Variants in MRPS15 observed in about 807,000 individuals in gnomAD.
MRPS15 encodes the protein small ribosomal subunit protein uS15m.
In MRPS15, 25 loss-of-function variants were observed where a neutral mutation model predicts 30.7. The observed-to-expected ratio is 0.81, with a 90% CI of 0.59 to 1.14. MRPS15 has a LOEUF of 1.14. Among genes scored for constraint, MRPS15 ranks in the 50% most tolerant of loss-of-function variants. The pLI is 0.00. For synonymous variants in MRPS15, 124 were observed against 120.1 expected, an observed-to-expected ratio of 1.03 and a Z score of -0.21; for missense variants, 313 against 321.7, an observed-to-expected ratio of 0.97 and a Z score of 0.21.
At chr1:36,463,758 T>C (rs1164791753) in intron 2 of MRPS15, 48 bp downstream of exon 2, 5 of 1,587,890 alleles carry the variant, frequency 3.1e-6, no homozygotes, top group Non-Finnish European at 4.3e-6. Flanking sequence ...ACCCCAGCCT[T>C]CCAGGAGGTC....
rs539103284 is a variant in MRPS15, at chr1:36,458,298, G to A, written c.386-317C>T. The A allele has an allele frequency of 2.6e-5, 6 of 227,750 alleles. No individual in the cohort carries two copies. In the East Asian group the frequency reaches 4.1e-4, roughly 16 times the overall value. 14.1% of individuals were successfully genotyped at this position (227,750 alleles called of 1,614,324 possible). On this transcript the variant is annotated intron_variant, in intron 5 of 7. Coordinates refer to ENST00000373116, the MANE Select transcript of MRPS15 (RefSeq NM_031280.4). This position sits in a 1 kb window ranked among gnomAD's most constrained non-coding sequence, Gnocchi z 4.5. ...GGCTGGAGTGCAGTGGTGCGATCTC[G>A]GCTCACCGCAGCCTCTGCCTCCCAG...
In MRPS15 at chr1:36,458,305, C is replaced by T. The variant is rs765118474; in HGVS notation, c.386-324G>A. 74 of 212,892 alleles carry T rather than the reference C, an allele frequency of 3.5e-4. 1 individual carries two copies. In the Middle Eastern group the frequency reaches 9.7e-3, roughly 28 times the overall value. 13.2% of individuals were successfully genotyped at this position (212,892 alleles called of 1,614,324 possible). On this transcript the variant is annotated intron_variant, in intron 5 of 7. Coordinates refer to ENST00000373116, the MANE Select transcript of MRPS15 (RefSeq NM_031280.4). The surrounding 1 kb of genome is among the most constrained non-coding windows in gnomAD (Gnocchi z 4.5). ...GTGCAGTGGTGCGATCTCGGCTCAC[C>T]GCAGCCTCTGCCTCCCAGGTTCAGG...
Position 36,456,382 on chromosome 1 carries a change from C to T in MRPS15, c.445-4G>A. Reference sequence around the variant, plus strand: ...GATAGCGTTTGTGGGCTTTGTCCTGCAAGAGATTCTCATTACTTTTAGTAT... The same window carrying T: ...GATAGCGTTTGTGGGCTTTGTCCTGTAAGAGATTCTCATTACTTTTAGTAT... On this transcript the variant is annotated splice_region_variant and splice_polypyrimidine_tract_variant and intron_variant, in intron 6 of 7. Transcript: ENST00000373116. 6.3e-7 allele frequency: 1 copy of T among 1,590,106 alleles called. No individual in the cohort carries two copies. Among genetic ancestry groups the T allele is most frequent in the South Asian group, 1.1e-5 (1 of 88,600 alleles).
At chr1:36,460,895 T>C in intron 4 of MRPS15, 119 bp from the exon 5 acceptor site, 1 of 812,748 alleles carries the variant, frequency 1.2e-6, no homozygotes, top group South Asian at 1.6e-5. Flanking sequence ...GCTCAGGGCC[T>C]GACTTCACTC....
Position 36,464,224 on chromosome 1 carries a change from T to TA in MRPS15, c.51dup (p.Thr18TyrfsTer45), listed in dbSNP as rs1650164992. 5 of 1,613,942 alleles carry TA rather than the reference T, an allele frequency of 3.1e-6. No individual in the cohort carries two copies. The highest frequency in any genetic ancestry group is 4.2e-6 in the Non-Finnish European group (5 of 1,180,000). On this transcript the variant is annotated frameshift_variant, in exon 1 of 8. Transcript: ENST00000373116. LOFTEE classifies it high-confidence loss of function. ...GGCAGCCCGGGTACTAGGACCTGGG[T>TA]AACTGCCCGGGTCCGAATCAAACTC...
chr1:36,463,978 C>T, intron 1 of MRPS15, 128 bp from the exon 2 acceptor site: 1 of 1,502,516 alleles, frequency 6.7e-7, no homozygotes, highest in Non-Finnish European at 9.0e-7. Context: ...TGCCCCATTT[C>T]TTCCCTACCC....
In MRPS15 at chr1:36,460,857, C is replaced by G. The variant is rs1650083945; in HGVS notation, c.301-81G>C. The G allele has an allele frequency of 5.0e-6, 6 of 1,193,936 alleles. No homozygotes were observed. The East Asian group carries it at 1.4e-4, about 28-fold the overall frequency. The allele number at this position is 1,193,936 out of a possible 1,614,324, so 74.0% of individuals were successfully genotyped here. A position where few individuals can be genotyped will look rare whatever the true frequency, so the allele number is the denominator to read the frequency against. On this transcript the variant is annotated intron_variant, in intron 4 of 7. Coordinates refer to ENST00000373116, the MANE Select transcript of MRPS15 (RefSeq NM_031280.4). Reference sequence around the variant, plus strand: ...GCCCTCCTCCCCCCAAGGGCCCTGGCTACAGTTATAGCAACTAGGGCCATA... The same window carrying G: ...GCCCTCCTCCCCCCAAGGGCCCTGGGTACAGTTATAGCAACTAGGGCCATA...
rs1307648300 is a variant in MRPS15 at position 36,463,848 on chromosome 1, G to C, written c.133C>G (p.Leu45Val). Residue 45 changes from leucine to valine, a missense_variant and splice_region_variant, in exon 2 of 8, where the codon CTC becomes GTC. Coordinates refer to ENST00000373116, the MANE Select transcript of MRPS15 (RefSeq NM_031280.4). ...TATCCGCGCGCGGCCTGGAGGAGGAGACCTACGCAGAAAAGAGAGGGCTGA... is the reference window on the plus strand; with the variant it reads ...TATCCGCGCGCGGCCTGGAGGAGGACACCTACGCAGAAAAGAGAGGGCTGA... ...FNQWGLQPRS[L>V]LLQAARGYVV... 3 of 1,612,342 alleles carry C rather than the reference G, an allele frequency of 1.9e-6. No individual in the cohort carries two copies. The highest frequency in any genetic ancestry group is 1.3e-5 in the African/African-American group (1 of 74,912).
chr1:36,456,950 T>G (rs1397879753), intron 6 of MRPS15, among the ~76,000 whole-genome samples: 1 of 152,266 alleles, frequency 6.6e-6, no homozygotes, highest in Non-Finnish European at 1.5e-5. Context: ...ACAGCAGCTC[T>G]GTGCCAGACA....
chr1:36,462,262 G>A (rs1650113736), intron 2 of MRPS15, 99 bp from the exon 3 acceptor site: 1 of 817,276 alleles, frequency 1.2e-6, no homozygotes, highest in Non-Finnish European at 2.0e-6. Context: ...ACTCCAGAAG[G>A]GACATTCAGG....
In MRPS15 at chr1:36,460,778, T is replaced by C. The variant is rs1650081612; in HGVS notation, c.301-2A>G. ...TTGCTTGATTTTTAGCATCTCCTTCTGTTGAAGACAGAGACAGAGAAAATC... is the reference window on the plus strand; with the variant it reads ...TTGCTTGATTTTTAGCATCTCCTTCCGTTGAAGACAGAGACAGAGAAAATC... On this transcript the variant is annotated splice_acceptor_variant, in intron 4 of 7. Coordinates refer to ENST00000373116, the MANE Select transcript of MRPS15 (RefSeq NM_031280.4). LOFTEE classifies it high-confidence loss of function. 6.2e-7 allele frequency: 1 copy of C among 1,613,364 alleles called. No individual in the cohort carries two copies. The highest frequency in any genetic ancestry group is 1.3e-5 in the African/African-American group (1 of 74,914).
chr1:36,463,864 A>AGAGGGCT lies in MRPS15; in HGVS notation c.131-21_131-15dup. The stretch of plus-strand genomic sequence containing the variant: ...GGAGGAGGAGACCTACGCAGAAAAG[A>AGAGGGCT]GAGGGCTGAGGACCATCTCCTTAAA... On this transcript the variant is annotated splice_polypyrimidine_tract_variant and intron_variant, in intron 1 of 7. Transcript: ENST00000373116. 2 of 1,610,608 alleles carry AGAGGGCT rather than the reference A, an allele frequency of 1.2e-6. No homozygotes were observed.
At chr1:36,457,701 C>T (rs907368898) in intron 6 of MRPS15, among the ~76,000 whole-genome samples, 1 of 152,184 alleles carries the variant, frequency 6.6e-6, no homozygotes, top group Non-Finnish European at 1.5e-5. Context: ...ATTTACTGAG[C>T]ACTCAGCATG....
At chr1:36,456,660 T>C in intron 6 of MRPS15, 1 of 300,026 alleles carries the variant, frequency 3.3e-6, no homozygotes, top group Non-Finnish European at 6.3e-6. Flanking sequence ...TCATGCTCTT[T>C]CTCCTACACT....
chr1:36,461,417 C>A, intron 3 of MRPS15, 105 bp from the exon 4 acceptor site: 1 of 1,100,454 alleles, frequency 9.1e-7, no homozygotes. Flanking sequence ...AAAATTCCTT[C>A]TGTAGCAAAT....
At chr1:36,457,288 A>ATAT (rs1445837793) in intron 6 of MRPS15, among the ~76,000 whole-genome samples, 42 of 148,606 alleles carry the variant, frequency 2.8e-4, no homozygotes, top group African/African-American at 3.2e-4. Flanking sequence ...AAAAAAAAAA[A>ATAT]AAATATATAT....
Position 36,456,170 on chromosome 1 carries a change from G to A in MRPS15, c.636+17C>T, listed in dbSNP as rs760955689. 2.0e-5 allele frequency: 32 copies of A among 1,589,476 alleles called. No individual in the cohort carries two copies. Among genetic ancestry groups the A allele is most frequent in the South Asian group, 7.9e-5 (7 of 88,522 alleles). ...TCCCTGAGTGGGGCCAAGCAAAGCC[G>A]CAATTCTGACTCGTACCCGAATGCA... On this transcript the variant is annotated intron_variant, in intron 7 of 7. Transcript: ENST00000373116.
chr1:36,463,790 C>A lies in MRPS15; in HGVS notation c.175+16G>T, dbSNP rs761233844. The A allele has an allele frequency of 6.2e-7, 1 of 1,610,350 alleles. No individual in the cohort carries two copies. Among genetic ancestry groups the A allele is most frequent in the Non-Finnish European group, 8.5e-7 (1 of 1,178,020 alleles). ...GGTCTCTCTTCCGCCCCAAGTCCCA[C>A]CTTAGGAACTCCTACCTGGTTTCCG... On this transcript the variant is annotated intron_variant, in intron 2 of 7. Coordinates refer to ENST00000373116, the MANE Select transcript of MRPS15 (RefSeq NM_031280.4).
Position 36,458,393 on chromosome 1 carries a change from T to A in MRPS15, c.386-412A>T, listed in dbSNP as rs1650036368. The A allele has an allele frequency of 6.2e-6, 1 of 160,606 alleles. No homozygotes were observed. Among genetic ancestry groups the A allele is most frequent in the Non-Finnish European group, 1.4e-5 (1 of 72,878 alleles). 9.9% of individuals were successfully genotyped at this position (160,606 alleles called of 1,614,324 possible). A position where few individuals can be genotyped will look rare whatever the true frequency, so the allele number is the denominator to read the frequency against. ...ACAGGCGCCCGCCACCACACACGGC[T>A]AATTTTTCTATTTTTAGTAGAGACG... On this transcript the variant is annotated intron_variant, in intron 5 of 7. Transcript: ENST00000373116. The surrounding 1 kb of genome is among the most constrained non-coding windows in gnomAD (Gnocchi z 4.5).
Sources: gnomAD v4.1 joint callset for allele counts (sites outside exome capture counted in the v4.1 genomes callset) on GRCh38, gnomAD v4.1.1 for gene constraint, Gnocchi (gnomAD v3.1) non-coding constraint, MANE v1.5 for transcripts, NCBI Gene and HGNC (gene_info 2026-07-23, HGNC 2026-07-21) for gene names.